TXNDC12: variants seen among roughly 807,000 people sequenced by gnomAD.
The protein encoded by TXNDC12 is thioredoxin domain-containing protein 12.
TXNDC12 carries 22 observed loss-of-function variants against 24.2 expected under a neutral mutation model. That is an observed-to-expected ratio of 0.91 (90% CI 0.65 to 1.30). The LOEUF is 1.30. TXNDC12 is among the 50% of genes most tolerant of loss of function. The pLI is 0.00. For missense variants in TXNDC12, 184 were observed against 205.8 expected, an observed-to-expected ratio of 0.89 and a Z score of 0.65; for synonymous variants, 58 against 73.4, an observed-to-expected ratio of 0.79 and a Z score of 1.07.
Position 52,020,843 on chromosome 1 carries a change from T to C in TXNDC12, c.*90A>G. ...GTAGGAATGAGGTTTCCTGGTCGGC[T>C]TAATTGTTCTAGATGATTCCTCAAT... is the stretch of plus-strand genomic sequence containing the variant. On this transcript the variant is annotated 3_prime_UTR_variant, in exon 7 of 7. Coordinates refer to ENST00000371626, the MANE Select transcript of TXNDC12 (RefSeq NM_015913.4). 1 of 1,140,664 alleles carries C rather than the reference T, an allele frequency of 8.8e-7. No homozygotes were observed. The highest frequency in any genetic ancestry group is 1.3e-6 in the Non-Finnish European group (1 of 769,362). The allele number at this position is 1,140,664 out of a possible 1,614,324, so 70.7% of individuals were successfully genotyped here.
intron 1 of TXNDC12, chr1:52,044,275 C>A (rs568785533): frequency 6.6e-6 from 1 of 152,336 alleles, no homozygotes; most frequent in African/African-American, 2.4e-5. Flanking sequence ...GCAAGTGAGG[C>A]TGCCCTGAAC....
At chr1:52,043,145 G>C (rs1323800117) in intron 1 of TXNDC12, among the ~76,000 whole-genome samples, 1 of 152,180 alleles carries the variant, frequency 6.6e-6, no homozygotes, top group South Asian at 2.1e-4. Flanking sequence ...AATTCCTTCC[G>C]TCCCTCACCT....
At chr1:52,033,732 C>T (rs775689510) in intron 2 of TXNDC12, 6 of 1,606,404 alleles carry the variant, frequency 3.7e-6, no homozygotes, top group African/African-American at 2.7e-5. Flanking sequence ...TGCCGCTGTA[C>T]GGCAGCCCGC....
intron 2 of TXNDC12, among the ~76,000 whole-genome samples, chr1:52,040,315 C>T (rs1207938873): frequency 6.6e-6 from 1 of 151,952 alleles, no homozygotes; most frequent in African/African-American, 2.4e-5. Context: ...CCTCAAACTC[C>T]CAGGCTCAAT....
chr1:52,033,312 G>C (rs374459901), intron 2 of TXNDC12: 2 of 1,613,790 alleles, frequency 1.2e-6, no homozygotes, highest in Non-Finnish European at 1.7e-6. Flanking sequence ...CCCTGAGGAC[G>C]CTGCTGCCCG....
intron 6 of TXNDC12, 106 bp downstream of exon 6, chr1:52,023,385 G>T: frequency 1.2e-6 from 1 of 851,204 alleles, no homozygotes; most frequent in Non-Finnish European, 1.9e-6. Flanking sequence ...ACATGCAGGA[G>T]ATGCTCAGCT....
At chr1:52,047,396 A>T (rs542006681) in intron 1 of TXNDC12, among the ~76,000 whole-genome samples, 1 of 152,314 alleles carries the variant, frequency 6.6e-6, no homozygotes, top group South Asian at 2.1e-4. Flanking sequence ...GGAGATTTGA[A>T]AAGACAGGAA....
chr1:52,032,235 C>A (rs1460027719), intron 2 of TXNDC12: 11 of 986,356 alleles, frequency 1.1e-5, no homozygotes, highest in Admixed American at 6.2e-5. Flanking sequence ...TAGAAACTAG[C>A]AAAAAGTCAG....
At chr1:52,031,341 G>T (rs958524647) in intron 2 of TXNDC12, among the ~76,000 whole-genome samples, 2 of 149,280 alleles carry the variant, frequency 1.3e-5, no homozygotes. Flanking sequence ...TGTATTTTTA[G>T]TAGAGATGGG....
intron 1 of TXNDC12, chr1:52,051,704 C>T: frequency 5.9e-6 from 1 of 169,192 alleles, no homozygotes; most frequent in South Asian, 2.0e-4. Context: ...CTATTTAGTG[C>T]TAAGTCCACA....
intron 1 of TXNDC12, among the ~76,000 whole-genome samples, chr1:52,048,986 T>C (rs929777520): frequency 1.3e-5 from 2 of 152,170 alleles, no homozygotes; most frequent in African/African-American, 4.8e-5. Flanking sequence ...CACTGTAAAG[T>C]AGAACTTACT....
At chr1:52,029,058 G>A (rs1343458401) in intron 2 of TXNDC12, among the ~76,000 whole-genome samples, 2 of 152,142 alleles carry the variant, frequency 1.3e-5, no homozygotes, top group East Asian at 3.8e-4. Context: ...AGCCTGGGAG[G>A]CAGAGGTTGC....
intron 4 of TXNDC12, 149 bp from the exon 5 acceptor site, chr1:52,024,728 T>G: frequency 3.3e-6 from 2 of 610,752 alleles, no homozygotes; most frequent in Admixed American, 5.5e-5. Flanking sequence ...GGCACTTCTC[T>G]AACTTAATGT....
chr1:52,052,607 G>A (rs1686237011), intron 1 of TXNDC12: 1 of 162,142 alleles, frequency 6.2e-6, no homozygotes, highest in African/African-American at 2.4e-5. Context: ...TCATAGAACA[G>A]GGACAAGCCT....
chr1:52,043,955 T>C (rs1686040877), intron 1 of TXNDC12: 1 of 152,184 alleles, frequency 6.6e-6, no homozygotes, highest in Admixed American at 6.5e-5. Context: ...CCCAACAGCA[T>C]GGGATGCTGT....
intron 3 of TXNDC12, among the ~76,000 whole-genome samples, chr1:52,027,970 C>T (rs368885342): frequency 4.6e-5 from 7 of 151,798 alleles, no homozygotes; most frequent in African/African-American, 1.5e-4. Context: ...GGATTACAGG[C>T]GCGTGCCACC....
intron 5 of TXNDC12, 110 bp downstream of exon 5, chr1:52,024,400 T>G: frequency 1.2e-6 from 1 of 835,662 alleles, no homozygotes; most frequent in Non-Finnish European, 2.0e-6. Flanking sequence ...AACTGGTTTT[T>G]ATTTGTTTGT....
At chr1:52,048,291 C>T (rs377326603) in intron 1 of TXNDC12, among the ~76,000 whole-genome samples, 5 of 151,976 alleles carry the variant, frequency 3.3e-5, no homozygotes, top group Admixed American at 2.0e-4. Context: ...ATAGAGAAAC[C>T]TCACCTCTAC....
chr1:52,022,635 G>GTTTT (rs1188645759), intron 6 of TXNDC12, among the ~76,000 whole-genome samples: 28 of 118,590 alleles, frequency 2.4e-4, no homozygotes, highest in African/African-American at 3.2e-4. Flanking sequence ...GGTTTTTTTG[G>GTTTT]TTTTTTTTTT....
Sources: allele counts gnomAD v4.1 joint callset (sites outside exome capture counted in the v4.1 genomes callset), GRCh38; gene constraint gnomAD v4.1.1; transcripts MANE v1.5; gene names NCBI Gene and HGNC (gene_info 2026-07-23, HGNC 2026-07-21).